Variants in CEP83 observed in about 807,000 individuals in gnomAD.
The protein encoded by CEP83 is centrosomal protein 83.
A neutral mutation model predicts 101.9 loss-of-function variants in CEP83; 70 were observed. The observed-to-expected ratio is 0.69, with a 90% confidence interval of 0.57 to 0.84. The LOEUF (loss-of-function observed/expected upper bound fraction) is 0.84. Among genes scored for constraint, CEP83 ranks in the 40% least tolerant of loss-of-function variants. CEP83 has a pLI of 0.00. For missense variants in CEP83, 715 were observed against 787.2 expected, an observed-to-expected ratio of 0.91 and a Z score of 1.10; for synonymous variants, 264 against 267.9, an observed-to-expected ratio of 0.99 and a Z score of 0.14.
chr12:94,272,194 T>G, the CEP83 span: 1 of 152,174 alleles, frequency 6.6e-6, no homozygotes, highest in Non-Finnish European at 1.5e-5. Context: ...GCAGTTCAGT[T>G]GTACAGAACA....
chr12:94,291,143 C>T, the CEP83 span, among the ~76,000 whole-genome samples: 10 of 152,202 alleles, frequency 6.6e-5, no homozygotes, highest in Non-Finnish European at 1.0e-4. Flanking sequence ...TAGGTGAGAA[C>T]GCTTGATTTT....
intron 6 of CEP83, among the ~76,000 whole-genome samples, chr12:94,389,050 C>T (rs1393246455): frequency 2.0e-5 from 3 of 152,042 alleles, no homozygotes; most frequent in Admixed American, 6.6e-5. Flanking sequence ...TTGCTTAAAC[C>T]AAGGAGGCAG....
At chr12:94,448,612 C>T (rs2066982922) in intron 1 of CEP83, among the ~76,000 whole-genome samples, 1 of 151,982 alleles carries the variant, frequency 6.6e-6, no homozygotes, top group African/African-American at 2.4e-5. Context: ...AATTAGTCAT[C>T]CGAACAAAAA....
At chr12:94,390,470 G>C (rs146675203) in intron 6 of CEP83, among the ~76,000 whole-genome samples, 61 of 152,238 alleles carry the variant, frequency 4.0e-4, no homozygotes, top group African/African-American at 1.4e-3. Context: ...CCCATCTTTA[G>C]GTCAACAACA....
the CEP83 span, chr12:94,280,111 T>G: frequency 3.1e-6 from 1 of 323,508 alleles, no homozygotes; most frequent in East Asian, 8.4e-5. Context: ...CATCTTCCTC[T>G]GCTAATCACA....
the CEP83 span, chr12:94,282,169 C>G: frequency 1.5e-6 from 1 of 647,002 alleles, no homozygotes; most frequent in Non-Finnish European, 2.8e-6. Context: ...ACCAGTCTGG[C>G]TGATGCATCT....
chr12:94,305,332 G>A, downstream of CEP83: 2 of 1,178,548 alleles, frequency 1.7e-6, no homozygotes, highest in Non-Finnish European at 2.5e-6. Flanking sequence ...CAGACGACTT[G>A]GGAGCAAAAT....
chr12:94,269,263 GC>G, the CEP83 span, among the ~76,000 whole-genome samples: 1 of 152,146 alleles, frequency 6.6e-6, no homozygotes, highest in Non-Finnish European at 1.5e-5. Flanking sequence ...AAATATTATT[GC>G]CTTCATTCTC....
At chr12:94,316,332 G>C (rs1373538096) in intron 14 of CEP83, among the ~76,000 whole-genome samples, 1 of 152,094 alleles carries the variant, frequency 6.6e-6, no homozygotes, top group Non-Finnish European at 1.5e-5. Flanking sequence ...TTCGTACTTA[G>C]AAATTTTAAA....
chr12:94,304,189 G>A (rs1242574434), downstream of CEP83: 6 of 614,310 alleles, frequency 9.8e-6, no homozygotes, highest in African/African-American at 1.1e-4. Flanking sequence ...TGAGATGGGG[G>A]ATCCTGGCAC....
the CEP83 span, chr12:94,277,718 A>T: frequency 2.9e-6 from 1 of 345,416 alleles, no homozygotes; most frequent in Non-Finnish European, 5.7e-6. Flanking sequence ...ATGTGGGCTG[A>T]ATCTGTTTGC....
downstream of CEP83, among the ~76,000 whole-genome samples, chr12:94,305,027 C>CAAAACAACTTGCAAAGTGA (rs1968854966): frequency 6.6e-6 from 1 of 152,152 alleles, no homozygotes. Flanking sequence ...AAGGACTTAG[C>CAAAACAACTTGCAAAGTGA]AAAACAACTT....
chr12:94,336,653 T>A (rs558272588), intron 11 of CEP83, among the ~76,000 whole-genome samples: 1 of 152,256 alleles, frequency 6.6e-6, no homozygotes, highest in Non-Finnish European at 1.5e-5. Flanking sequence ...TCCTGAGACG[T>A]TTACATACAA....
chr12:94,274,071 A>G, the CEP83 span, among the ~76,000 whole-genome samples: 1 of 145,926 alleles, frequency 6.9e-6, no homozygotes, highest in Admixed American at 7.1e-5. Context: ...CTGTAATCCC[A>G]GCACTTTGGG....
chr12:94,456,810 A>G (rs1461441196), intron 1 of CEP83, among the ~76,000 whole-genome samples: 1 of 152,246 alleles, frequency 6.6e-6, no homozygotes, highest in Non-Finnish European at 1.5e-5. Flanking sequence ...TAATCATATC[A>G]GTCATCTTTA....
the CEP83 span, among the ~76,000 whole-genome samples, chr12:94,270,584 ACCCACC>A: frequency 7.9e-5 from 12 of 151,570 alleles, no homozygotes; most frequent in African/African-American, 2.9e-4. Flanking sequence ...AACACACAAC[ACCCACC>A]CCCACCCCCA....
chr12:94,282,065 G>A, the CEP83 span: 1 of 452,618 alleles, frequency 2.2e-6, no homozygotes, highest in Non-Finnish European at 4.0e-6. Context: ...TGTCTTCAGT[G>A]GCTTTACTTC....
intron 2 of CEP83, among the ~76,000 whole-genome samples, chr12:94,413,825 T>TACACACACACACACAC (rs56372938): frequency 1.4e-5 from 2 of 140,394 alleles, no homozygotes; most frequent in Admixed American, 1.4e-4. Flanking sequence ...CCATAATACA[T>TACACACACACACACAC]ACACACACAC....
chr12:94,350,728 G>T (rs2060161535), intron 11 of CEP83, among the ~76,000 whole-genome samples: 1 of 152,120 alleles, frequency 6.6e-6, no homozygotes, highest in Non-Finnish European at 1.5e-5. Context: ...TGCAAATCAT[G>T]TATCTGATAA....
Sources: gnomAD v4.1 joint callset for allele counts (sites outside exome capture counted in the v4.1 genomes callset) on GRCh38, gnomAD v4.1.1 for gene constraint, MANE v1.5 for transcripts, NCBI Gene and HGNC (gene_info 2026-07-23, HGNC 2026-07-21) for gene names.